CHRM5: variants seen among roughly 807,000 people sequenced by gnomAD.
The protein encoded by CHRM5 is cholinergic receptor muscarinic 5.
A neutral mutation model predicts 39.0 loss-of-function variants in CHRM5; 18 were observed. The observed-to-expected ratio is 0.46, with a 90% confidence interval of 0.32 to 0.68. CHRM5 has a LOEUF of 0.68. Ranked by LOEUF, CHRM5 falls within the 30% of genes least tolerant of loss-of-function variation. The probability of loss-of-function intolerance (pLI) is 0.04; values close to 1 mark genes in which losing one functional copy is unlikely to be tolerated. For synonymous variants in CHRM5, 241 were observed against 246.3 expected, an observed-to-expected ratio of 0.98 and a Z score of 0.20; for missense variants, 515 against 651.1, an observed-to-expected ratio of 0.79 and a Z score of 2.28.
chr15:34,063,062 C>T lies in CHRM5; in HGVS notation c.345C>T (p.Asn115=), dbSNP rs143379631. 444 of 1,614,206 alleles carry T rather than the reference C, an allele frequency of 2.8e-4. 1 individual carries two copies. In the African/African-American group the frequency reaches 5.1e-3, roughly 19 times the overall value. ...LWLALDYVAS[N]ASVMNLLVIS... The stretch of plus-strand genomic sequence containing the variant: ...TTGCACTGGACTACGTGGCCAGCAA[C>T]GCTTCTGTCATGAACCTTCTGGTGA... The change falls in exon 3 of 3, where the codon AAC becomes AAT. Residue 115 remains asparagine (N), a synonymous_variant. Transcript: ENST00000383263. This position sits in a 1 kb window ranked among gnomAD's most constrained non-coding sequence, Gnocchi z 4.1.
At chr15:34,038,185 T>C (rs1422334274) in intron 1 of CHRM5, among the ~76,000 whole-genome samples, 3 of 152,162 alleles carry the variant, frequency 2.0e-5, no homozygotes, top group Admixed American at 2.0e-4. Context: ...ACAGGCATAA[T>C]AAAAGAGAAC....
chr15:34,002,551 T>G (rs917494779), intron 1 of CHRM5, among the ~76,000 whole-genome samples: 7 of 151,904 alleles, frequency 4.6e-5, no homozygotes, highest in Non-Finnish European at 7.4e-5. Flanking sequence ...GAGAAGACTA[T>G]CCAAAAGCAA....
chr15:34,022,513 C>T (rs1040242390), intron 1 of CHRM5, among the ~76,000 whole-genome samples: 3 of 152,166 alleles, frequency 2.0e-5, no homozygotes, highest in African/African-American at 7.2e-5. Flanking sequence ...TCCATCAGAA[C>T]AAAATGCAAA....
chr15:34,022,349 C>T (rs1471629519), intron 1 of CHRM5, among the ~76,000 whole-genome samples: 2 of 152,270 alleles, frequency 1.3e-5, no homozygotes, highest in Non-Finnish European at 2.9e-5. Flanking sequence ...CATCTCCCTT[C>T]TGCAGCTCTT....
intron 1 of CHRM5, among the ~76,000 whole-genome samples, chr15:33,997,454 C>T (rs537537207): frequency 6.6e-6 from 1 of 152,262 alleles, no homozygotes; most frequent in South Asian, 2.1e-4. Flanking sequence ...ACTCCAAAGA[C>T]GAGGTCTCCA....
chr15:34,009,693 GAT>G (rs1041187496), intron 1 of CHRM5, among the ~76,000 whole-genome samples: 2 of 152,068 alleles, frequency 1.3e-5, no homozygotes, highest in African/African-American at 4.8e-5. Context: ...CAATCAAAAA[GAT>G]ATAACAATAG....
chr15:34,036,315 T>C (rs1425843231), intron 1 of CHRM5, among the ~76,000 whole-genome samples: 1 of 151,714 alleles, frequency 6.6e-6, no homozygotes, highest in Non-Finnish European at 1.5e-5. Context: ...AGAAGTTGGT[T>C]AGATTGATTT....
At chr15:33,978,266 A>G (rs1345433596) in intron 1 of CHRM5, among the ~76,000 whole-genome samples, 2 of 152,250 alleles carry the variant, frequency 1.3e-5, no homozygotes, top group African/African-American at 4.8e-5. Context: ...CATGTGTGGT[A>G]CTAGACTACA....
chr15:34,018,202 A>C (rs1165816785), intron 1 of CHRM5: 1 of 152,232 alleles, frequency 6.6e-6, no homozygotes, highest in Non-Finnish European at 1.5e-5. Context: ...AGCTCCATGC[A>C]TTTTGCTGAC....
intron 1 of CHRM5, among the ~76,000 whole-genome samples, chr15:34,043,430 G>T (rs911733340): frequency 2.6e-5 from 4 of 152,040 alleles, no homozygotes; most frequent in Non-Finnish European, 4.4e-5. Flanking sequence ...CTAGTTTCTC[G>T]TGCTTAATAT....
intron 1 of CHRM5, among the ~76,000 whole-genome samples, chr15:33,987,733 C>T (rs1045006297): frequency 6.6e-6 from 1 of 152,272 alleles, no homozygotes. Flanking sequence ...AACAGTGTGG[C>T]CCCAGAAGGC....
intron 1 of CHRM5, among the ~76,000 whole-genome samples, chr15:34,007,373 C>T (rs1368129627): frequency 1.3e-5 from 2 of 152,080 alleles, no homozygotes; most frequent in Non-Finnish European, 1.5e-5. Flanking sequence ...ACAGAAGAGC[C>T]GACGGCCCCT....
At chr15:34,048,663 G>C (rs985133324) in intron 2 of CHRM5, among the ~76,000 whole-genome samples, 3 of 152,198 alleles carry the variant, frequency 2.0e-5, no homozygotes, top group Admixed American at 6.5e-5. Flanking sequence ...ACAAGGAACA[G>C]TGCCCCCACA....
intron 2 of CHRM5, among the ~76,000 whole-genome samples, chr15:34,050,168 G>A (rs67304389): frequency 0.087 from 13,263 of 152,024 alleles, 800 homozygotes; most frequent in Non-Finnish European, 0.13. Flanking sequence ...GATTACAGGC[G>A]TGAGCCCCCA....
In CHRM5 at chr15:33,968,628, G is replaced by C. The variant is rs961668997; in HGVS notation, c.-930G>C. 1 of 152,120 alleles carries C rather than the reference G, an allele frequency of 6.6e-6. No individual in the cohort carries two copies. The highest frequency in any genetic ancestry group is 2.4e-5 in the African/African-American group (1 of 41,452). 9.4% of individuals were successfully genotyped at this position (152,120 alleles called of 1,614,324 possible). On this transcript the variant is annotated 5_prime_UTR_variant, in exon 1 of 3. An upstream start codon of the reference 5' UTR is lost. Transcript: ENST00000383263. ...AAAGCATGAGGAGGACAGAAGAAAT[G>C]CCTTCATCTTCTACAGAAAGGAAGC...
chr15:34,022,159 G>C (rs1180478436), intron 1 of CHRM5, among the ~76,000 whole-genome samples: 1 of 152,200 alleles, frequency 6.6e-6, no homozygotes, highest in Non-Finnish European at 1.5e-5. Flanking sequence ...TAGCTGAACT[G>C]CTTTCTATTG....
At chr15:34,036,509 C>G (rs948773448) in intron 1 of CHRM5, among the ~76,000 whole-genome samples, 1 of 152,104 alleles carries the variant, frequency 6.6e-6, no homozygotes, top group Non-Finnish European at 1.5e-5. Context: ...AACAAGAAGG[C>G]TTCAGGAAAG....
chr15:34,030,027 G>T (rs1898695979), intron 1 of CHRM5, among the ~76,000 whole-genome samples: 1 of 152,140 alleles, frequency 6.6e-6, no homozygotes, highest in Admixed American at 6.5e-5. Flanking sequence ...GCCGAGGCAG[G>T]CGGATCACTT....
intron 1 of CHRM5, among the ~76,000 whole-genome samples, chr15:33,975,791 G>A (rs149977606): frequency 0.011 from 1,610 of 152,256 alleles, 32 homozygotes; most frequent in African/African-American, 0.037. Context: ...TTAGCCGGGC[G>A]TGGTGGCACA....
Sources: allele counts gnomAD v4.1 joint callset (sites outside exome capture counted in the v4.1 genomes callset), GRCh38; gene constraint gnomAD v4.1.1; non-coding constraint Gnocchi (gnomAD v3.1); transcripts MANE v1.5; gene names NCBI Gene and HGNC (gene_info 2026-07-23, HGNC 2026-07-21).